COL4A5: variants seen among roughly 807,000 people sequenced by gnomAD.
The protein encoded by COL4A5 is collagen alpha-5(IV) chain.
In COL4A5, 26 loss-of-function variants were observed where a neutral mutation model predicts 130.2. The observed-to-expected ratio is 0.20, with a 90% CI of 0.15 to 0.28. The LOEUF (loss-of-function observed/expected upper bound fraction) is 0.28. Ranked by LOEUF, COL4A5 falls within the 10% of genes least tolerant of loss-of-function variation. The probability of loss-of-function intolerance (pLI) is 1.00; values close to 1 mark genes in which losing one functional copy is unlikely to be tolerated. For missense variants in COL4A5, 1,131 were observed against 1,344.3 expected (o/e 0.84, Z 2.48); for synonymous variants, 496 against 439.6 (o/e 1.13, Z -1.60).
At chrX:108,452,167 G>C (rs1411261888) in intron 1 of COL4A5, among the ~76,000 whole-genome samples, 122 of 111,391 alleles carry the variant, frequency 1.1e-3, no homozygotes, top group African/African-American at 3.4e-3. Context: ...GGGCTCTGTT[G>C]TGTTCCATTG....
intron 42 of COL4A5, among the ~76,000 whole-genome samples, chrX:108,672,380 T>C (rs955839275): frequency 8.6e-4 from 96 of 111,922 alleles, no homozygotes; most frequent in African/African-American, 3.0e-3. Flanking sequence ...CCACATTCCT[T>C]TAAAAGAAAT....
At chrX:108,670,352 T>C (rs1035549483) in intron 42 of COL4A5, 116 bp downstream of exon 42, 1 of 1,129,950 alleles carries the variant, frequency 8.8e-7, no homozygotes, top group South Asian at 2.2e-5. Context: ...ATTCAATTCT[T>C]ACATAGTGGC....
At chrX:108,638,829 C>T (rs1435122094) in intron 36 of COL4A5, among the ~76,000 whole-genome samples, 1 of 111,518 alleles carries the variant, frequency 9.0e-6, no homozygotes, top group Non-Finnish European at 1.9e-5. Flanking sequence ...TTTACAGTTG[C>T]ATCAAAAAGA....
intron 44 of COL4A5, among the ~76,000 whole-genome samples, chrX:108,680,048 C>T (rs1195985746): frequency 1.8e-5 from 2 of 111,581 alleles, no homozygotes. Flanking sequence ...AAGTTCTCAC[C>T]CATGTTCTCA....
intron 18 of COL4A5, 29 bp from the exon 19 acceptor site, chrX:108,586,586 C>G (rs758453687): frequency 8.5e-7 from 1 of 1,181,323 alleles, no homozygotes; most frequent in South Asian, 1.8e-5. Flanking sequence ...CTTTGCATTT[C>G]TTTATTTTTT....
At chrX:108,526,657 T>TTTC (rs1338023460) in intron 1 of COL4A5, among the ~76,000 whole-genome samples, 1 of 58,038 alleles carries the variant, frequency 1.7e-5, no homozygotes, top group African/African-American at 1.0e-4. Context: ...TCTTTCTTTC[T>TTTC]TTCTTCTTTC....
chrX:108,442,123 C>T (rs1047951330), intron 1 of COL4A5, among the ~76,000 whole-genome samples: 1 of 111,632 alleles, frequency 9.0e-6, no homozygotes, highest in Non-Finnish European at 1.9e-5. Context: ...TTAATAGGCT[C>T]AAAAATATGA....
At chrX:108,610,972 A>C (rs2066823529) in intron 29 of COL4A5, among the ~76,000 whole-genome samples, 1 of 111,377 alleles carries the variant, frequency 9.0e-6, no homozygotes, top group Non-Finnish European at 1.9e-5. Context: ...TCACCATGAA[A>C]GTGATTATCT....
At chrX:108,526,694 TTTC>T (rs1165553761) in intron 1 of COL4A5, among the ~76,000 whole-genome samples, 48 of 89,819 alleles carry the variant, frequency 5.3e-4, no homozygotes, top group African/African-American at 1.9e-3. Context: ...TCTTTCTTTC[TTTC>T]TTTCTTTCTT....
intron 50 of COL4A5, 34 bp from the exon 51 acceptor site, chrX:108,694,771 CTG>C (rs761978420): frequency 2.8e-6 from 3 of 1,074,164 alleles, no homozygotes; most frequent in Non-Finnish European, 3.9e-6. Flanking sequence ...CATGCTCACT[CTG>C]TAGATTATGT....
chrX:108,461,002 C>T (rs958156857), intron 1 of COL4A5, among the ~76,000 whole-genome samples: 4 of 110,375 alleles, frequency 3.6e-5, no homozygotes, highest in African/African-American at 9.9e-5. Context: ...TCTGTTATAG[C>T]GCAAGCTTAT....
chrX:108,468,716 G>T lies in COL4A5; in HGVS notation c.81+28510G>T, dbSNP rs182812878. Among the ~76,000 whole-genome samples the T allele has an allele frequency of 3.4e-3, 369 of 109,344 alleles. 2 individuals carry two copies. Among genetic ancestry groups the T allele is most frequent in the African/African-American group, 0.012 (349 of 30,171 alleles). 95.0% of individuals were successfully genotyped at this position (109,344 alleles called of 115,157 possible). On this transcript the variant is annotated intron_variant, in intron 1 of 52. Coordinates refer to ENST00000328300, the MANE Select transcript of COL4A5 (RefSeq NM_033380.3). ...GCATTCCTGGGATAATTCTCATTTG[G>T]TCATGGTTTATAATTCTTTTAGCAT... is the stretch of plus-strand genomic sequence containing the variant.
At chrX:108,601,796 C>T (rs2066633929) in intron 26 of COL4A5, 89 bp from the exon 27 acceptor site, 3 of 583,121 alleles carry the variant, frequency 5.1e-6, no homozygotes, top group Non-Finnish European at 8.7e-6. Flanking sequence ...TCCCAAAGTG[C>T]TGGGATTACA....
At chrX:108,589,464 G>A (rs2066395655) in intron 19 of COL4A5, among the ~76,000 whole-genome samples, 2 of 110,469 alleles carry the variant, frequency 1.8e-5, no homozygotes, top group South Asian at 7.5e-4. Flanking sequence ...AAATTTGAAA[G>A]GACTAAACAC....
At chrX:108,596,803 T>G (rs1036237043) in intron 22 of COL4A5, among the ~76,000 whole-genome samples, 195 bp from the exon 23 acceptor site, 2 of 112,211 alleles carry the variant, frequency 1.8e-5, no homozygotes, top group African/African-American at 6.5e-5. Flanking sequence ...ATTTATTTTT[T>G]AAAAAGGATG....
At chrX:108,639,607 T>G (rs971087834) in intron 36 of COL4A5, among the ~76,000 whole-genome samples, 1 of 111,678 alleles carries the variant, frequency 9.0e-6, no homozygotes, top group Admixed American at 9.5e-5. Flanking sequence ...ACTCATGGGA[T>G]GGAAGAAAAT....
intron 1 of COL4A5, among the ~76,000 whole-genome samples, chrX:108,473,220 G>A (rs1463340160): frequency 9.0e-6 from 1 of 111,483 alleles, no homozygotes; most frequent in Non-Finnish European, 1.9e-5. Flanking sequence ...ACTGGTTTAT[G>A]TGTTTACCAT....
At chrX:108,489,410 A>G (rs917285278) in intron 1 of COL4A5, among the ~76,000 whole-genome samples, 3 of 111,633 alleles carry the variant, frequency 2.7e-5, no homozygotes, top group African/African-American at 9.8e-5. Flanking sequence ...AGAGGATACA[A>G]TTTGTATTCC....
chrX:108,613,150 A>G (rs777679063), intron 29 of COL4A5, among the ~76,000 whole-genome samples: 1 of 112,440 alleles, frequency 8.9e-6, no homozygotes, highest in Non-Finnish European at 1.9e-5. Context: ...TCACAGACCT[A>G]AATGTAAAAC....
Sources: allele counts gnomAD v4.1 joint callset (sites outside exome capture counted in the v4.1 genomes callset), GRCh38; gene constraint gnomAD v4.1.1; transcripts MANE v1.5; gene names NCBI Gene and HGNC (gene_info 2026-07-23, HGNC 2026-07-21).